POLR3B: variants seen among roughly 807,000 people sequenced by gnomAD.
The protein encoded by POLR3B is RNA polymerase III subunit B, also known as DNA-directed RNA polymerase III subunit RPC2.
Under a neutral mutation model 147.4 loss-of-function variants are expected in POLR3B, and 96 were observed. The ratio of observed to expected loss-of-function variants is 0.65; its 90% confidence interval spans 0.55 to 0.77. The LOEUF is 0.77. POLR3B is among the 30% of genes least tolerant of loss of function. POLR3B has a pLI of 0.00. For missense variants in POLR3B, 1,036 were observed against 1,413.5 expected, an observed-to-expected ratio of 0.73 and a Z score of 4.28; for synonymous variants, 461 against 485.9, an observed-to-expected ratio of 0.95 and a Z score of 0.67.
rs2037106929 is a variant in POLR3B, at chr12:106,403,755, A to G, written c.847-2102A>G. Among the ~76,000 whole-genome samples the G allele has an allele frequency of 2.1e-5, 3 of 144,582 alleles. No individual in the cohort carries two copies. In the Admixed American group the frequency reaches 2.2e-4, roughly 10 times the overall value. The allele number at this position is 144,582 out of a possible 152,430, so 94.9% of individuals were successfully genotyped here. ...TGTTCTCACTCATAGGTGGGAATTGAACAATGAGAACACATGGACACGGGG... is the reference window on the plus strand; with the variant it reads ...TGTTCTCACTCATAGGTGGGAATTGGACAATGAGAACACATGGACACGGGG... On this transcript the variant is annotated intron_variant, in intron 10 of 27. Transcript: ENST00000228347.
rs188208447 is a variant in POLR3B at position 106,405,196 on chromosome 12, C to G, written c.847-661C>G. Among the ~76,000 whole-genome samples the G allele has an allele frequency of 3.0e-3, 453 of 152,190 alleles. 1 individual carries two copies. Among genetic ancestry groups the G allele is most frequent in the African/African-American group, 9.4e-3 (389 of 41,534 alleles). The stretch of plus-strand genomic sequence containing the variant: ...TTCTTTCAATCCTGTTTTCGCTACT[C>G]CAGGTCCTTTGCATTTCCATGTAAA... On this transcript the variant is annotated intron_variant, in intron 10 of 27. Coordinates refer to ENST00000228347, the MANE Select transcript of POLR3B (RefSeq NM_018082.6).
chr12:106,487,025 G>A (rs1445670006), intron 23 of POLR3B, among the ~76,000 whole-genome samples: 1 of 152,268 alleles, frequency 6.6e-6, no homozygotes, highest in Non-Finnish European at 1.5e-5. Context: ...GCCAGGCACA[G>A]ATGGCAGGTG....
At position 106,504,566 on chromosome 12, in the gene POLR3B, G is replaced by A. The variant is rs922052353; in HGVS notation, c.3272+312G>A. Among the ~76,000 whole-genome samples the A allele has an allele frequency of 6.6e-5, 10 of 152,084 alleles. No individual in the cohort carries two copies. The highest frequency in any genetic ancestry group is 1.4e-4 in the African/African-American group (6 of 41,388). On this transcript the variant is annotated intron_variant, in intron 27 of 27. Transcript: ENST00000228347. This position sits in a 1 kb window ranked among gnomAD's most constrained non-coding sequence, Gnocchi z 4.6. ...GTGAAAATCCTACAGATGCATTGTC[G>A]GGTGTTAGAATCGCAGTGTGTTAAA...
intron 12 of POLR3B, among the ~76,000 whole-genome samples, chr12:106,419,613 TTTAAC>T (rs2037348096): frequency 6.6e-6 from 1 of 152,100 alleles, no homozygotes; most frequent in Non-Finnish European, 1.5e-5. Flanking sequence ...TGTTTTGTTA[TTTAAC>T]TTAGATCACA....
chr12:106,425,206 G>A (rs1319366443), intron 12 of POLR3B, among the ~76,000 whole-genome samples: 1 of 152,166 alleles, frequency 6.6e-6, no homozygotes, highest in Non-Finnish European at 1.5e-5. Context: ...CTAAAGGAAA[G>A]CTTTCAGTTT....
At chr12:106,449,387 C>T (rs1206608570) in intron 19 of POLR3B, among the ~76,000 whole-genome samples, 1 of 152,082 alleles carries the variant, frequency 6.6e-6, no homozygotes, top group Non-Finnish European at 1.5e-5. Flanking sequence ...CTGCAGTTGA[C>T]TCTTGAACAA....
chr12:106,502,636 G>T (rs951340071), intron 26 of POLR3B, among the ~76,000 whole-genome samples: 4 of 152,094 alleles, frequency 2.6e-5, no homozygotes, highest in Non-Finnish European at 5.9e-5. Flanking sequence ...TAAGCCAAGG[G>T]AGAGGTGTAG....
intron 12 of POLR3B, among the ~76,000 whole-genome samples, chr12:106,418,617 A>G (rs745426932): frequency 1.1e-4 from 17 of 152,310 alleles, no homozygotes; most frequent in African/African-American, 1.7e-4. Flanking sequence ...TTGAAAATCA[A>G]TTGATGAGCT....
intron 9 of POLR3B, among the ~76,000 whole-genome samples, chr12:106,386,561 A>G (rs1198364361): frequency 6.6e-6 from 1 of 152,278 alleles, no homozygotes; most frequent in East Asian, 1.9e-4. Context: ...ACTCATGCAT[A>G]CATTAAAATC....
chr12:106,446,872 G>C (rs2037732428), intron 19 of POLR3B, among the ~76,000 whole-genome samples: 1 of 152,198 alleles, frequency 6.6e-6, no homozygotes, highest in African/African-American at 2.4e-5. Context: ...CACTGAAATA[G>C]CTGCAGAAGT....
intron 23 of POLR3B, among the ~76,000 whole-genome samples, chr12:106,486,164 C>T (rs140595313): frequency 0.016 from 2,392 of 151,976 alleles, 36 homozygotes; most frequent in South Asian, 0.046. Context: ...TGGCAGGTGC[C>T]TGTAGTCCCA....
chr12:106,481,121 G>C (rs1012454533), intron 23 of POLR3B, among the ~76,000 whole-genome samples: 6 of 152,206 alleles, frequency 3.9e-5, no homozygotes, highest in Admixed American at 2.0e-4. Context: ...AGAGTGAGAA[G>C]TGAGGAGGCA....
intron 23 of POLR3B, among the ~76,000 whole-genome samples, chr12:106,489,853 T>A (rs1221470052): frequency 6.6e-6 from 1 of 152,204 alleles, no homozygotes; most frequent in East Asian, 1.9e-4. Flanking sequence ...TTTGGCTGTC[T>A]GCTTTGCTTG....
At chr12:106,399,210 T>G (rs957632876) in intron 10 of POLR3B, among the ~76,000 whole-genome samples, 2 of 151,956 alleles carry the variant, frequency 1.3e-5, no homozygotes, top group African/African-American at 4.8e-5. Context: ...CCGATGCAAC[T>G]GGAAGAAAGG....
chr12:106,415,501 T>C (rs2037289315), intron 12 of POLR3B, among the ~76,000 whole-genome samples: 1 of 152,194 alleles, frequency 6.6e-6, no homozygotes, highest in African/African-American at 2.4e-5. Flanking sequence ...CTTAGGGATA[T>C]GGGTGTATAA....
chr12:106,372,714 C>A (rs2036626203), intron 6 of POLR3B, among the ~76,000 whole-genome samples: 1 of 152,072 alleles, frequency 6.6e-6, no homozygotes, highest in Non-Finnish European at 1.5e-5. Flanking sequence ...TATTTTTTCC[C>A]TCCTGATATA....
At chr12:106,498,728 G>A (rs1241826108) in intron 25 of POLR3B, among the ~76,000 whole-genome samples, 1 of 152,206 alleles carries the variant, frequency 6.6e-6, no homozygotes, top group Non-Finnish European at 1.5e-5. Context: ...TGGGACTACA[G>A]GCACAGACCA....
Position 106,448,741 on chromosome 12 carries a change from A to AT in POLR3B, c.2083+4160dup, listed in dbSNP as rs534953905. Among the ~76,000 whole-genome samples, 750 of 150,316 alleles carry AT rather than the reference A, an allele frequency of 5.0e-3. 3 individuals are homozygous for AT. The highest frequency in any genetic ancestry group is 0.017 in the African/African-American group (712 of 41,024). On this transcript the variant is annotated intron_variant, in intron 19 of 27. Transcript: ENST00000228347. ...AGGTGTGAGCCACTGCACCCAGCCCATTTTTTTTTAATTACAATAATAATC... is the reference window on the plus strand; with the variant it reads ...AGGTGTGAGCCACTGCACCCAGCCCATTTTTTTTTTAATTACAATAATAATC...
At chr12:106,500,155 A>C in intron 25 of POLR3B, 1 of 456,036 alleles carries the variant, frequency 2.2e-6, no homozygotes, top group Non-Finnish European at 4.4e-6. Context: ...TGTGTGGATT[A>C]AGTAGCACAT....
Sources: gnomAD v4.1 joint callset for allele counts (sites outside exome capture counted in the v4.1 genomes callset) on GRCh38, gnomAD v4.1.1 for gene constraint, Gnocchi (gnomAD v3.1) non-coding constraint, MANE v1.5 for transcripts, NCBI Gene and HGNC (gene_info 2026-07-23, HGNC 2026-07-21) for gene names.